OTUD4: variants seen among roughly 807,000 people sequenced by gnomAD.
The protein encoded by OTUD4 is OTU domain-containing protein 4.
In OTUD4, 24 loss-of-function variants were observed where a neutral mutation model predicts 130.4. The observed-to-expected ratio is 0.18, with a 90% CI of 0.13 to 0.26. The LOEUF (loss-of-function observed/expected upper bound fraction) is 0.26. Among genes scored for constraint, OTUD4 ranks in the 10% least tolerant of loss-of-function variants. The probability of loss-of-function intolerance (pLI) is 1.00; values close to 1 mark genes in which losing one functional copy is unlikely to be tolerated. For synonymous variants in OTUD4, 420 were observed against 472.5 expected, an observed-to-expected ratio of 0.89 and a Z score of 1.44; for missense variants, 1,031 against 1,329.4, an observed-to-expected ratio of 0.78 and a Z score of 3.49.
rs1037799404 is a variant in OTUD4 at position 145,159,411 on chromosome 4, T to A, written c.629+92A>T. 12 of 1,585,938 alleles carry A rather than the reference T, an allele frequency of 7.6e-6. No homozygotes were observed. In the South Asian group the frequency reaches 1.4e-4, roughly 18 times the overall value. ...TGAATACCATTAATACCTCAATATATGTTATAGAAAGACATTTACTGAAAT... is the reference window on the plus strand; with the variant it reads ...TGAATACCATTAATACCTCAATATAAGTTATAGAAAGACATTTACTGAAAT... On this transcript the variant is annotated intron_variant, in intron 7 of 20. Coordinates refer to ENST00000447906, the MANE Select transcript of OTUD4 (RefSeq NM_001366057.1).
In OTUD4 at chr4:145,144,438, T is replaced by TAA; in HGVS notation, c.1423-6_1423-5dup. The TAA allele has an allele frequency of 6.2e-7, 1 of 1,607,824 alleles. No individual in the cohort carries two copies. Among genetic ancestry groups the TAA allele is most frequent in the Non-Finnish European group, 8.5e-7 (1 of 1,177,638 alleles). On this transcript the variant is annotated splice_polypyrimidine_tract_variant and splice_region_variant and intron_variant, in intron 14 of 20. Transcript: ENST00000447906. ...CTGACTGATTGACTGATGAGCTCTT[T>TAA]AAAATGAACAAAACCCAACATTTTG...
rs1419642849 is a variant in OTUD4, at chr4:145,141,494, C to G, written c.1968G>C (p.Gln656His). 21 of 1,613,516 alleles carry G rather than the reference C, an allele frequency of 1.3e-5. No individual in the cohort carries two copies. Among genetic ancestry groups the G allele is most frequent in the Non-Finnish European group, 1.8e-5 (21 of 1,179,708 alleles). ...AVNQPLMPLPQTLSLYQDPLY... is the reference protein window; with the variant it reads ...AVNQPLMPLPHTLSLYQDPLY... ...GTGGGTCTTGATAAAGGCTCAATGT[C>G]TGAGGCAAAGGCATCAAGGGCTGGT... Residue 656 changes from glutamine (Q) to histidine (H), a missense_variant, in exon 19 of 21, where the codon CAG (glutamine) becomes CAC (histidine). Gln to His is a conservative substitution (Grantham distance 24, BLOSUM62 0). Around this residue, in one of 3 missense-constraint regions of OTUD4, gnomAD observed 900 missense variants for 1,095.9 expected, o/e 0.82. Transcript: ENST00000447906.
chr4:145,145,232 AGTT>A lies in OTUD4; in HGVS notation c.1423-801_1423-799del, dbSNP rs1750762749. Among the ~76,000 whole-genome samples, 5 of 152,378 alleles carry A rather than the reference AGTT, an allele frequency of 3.3e-5. No individual in the cohort carries two copies. The South Asian group carries it at 1.0e-3, about 32-fold the overall frequency. ...ATGAATACAAGCTTAAACAATTTGT[AGTT>A]GTTATTTATATAATAACACATGACA... On this transcript the variant is annotated intron_variant, in intron 14 of 20. Coordinates refer to ENST00000447906, the MANE Select transcript of OTUD4 (RefSeq NM_001366057.1).
At chr4:145,160,468 C>CT (rs1560990898) in intron 6 of OTUD4, among the ~76,000 whole-genome samples, 1 of 152,194 alleles carries the variant, frequency 6.6e-6, no homozygotes, top group East Asian at 1.9e-4. Flanking sequence ...TTTTAGGACT[C>CT]TGATTTGGTT....
At chr4:145,148,638 TTTAAA>T (rs1750928894) in intron 13 of OTUD4, among the ~76,000 whole-genome samples, 1 of 152,354 alleles carries the variant, frequency 6.6e-6, no homozygotes, top group South Asian at 2.1e-4. Flanking sequence ...AACAAGTTTA[TTTAAA>T]TTAACCATTT....
chr4:145,146,457 A>AATAC (rs763120051), intron 13 of OTUD4, 28 bp from the exon 14 acceptor site: 1 of 1,261,430 alleles, frequency 7.9e-7, no homozygotes, highest in Non-Finnish European at 1.1e-6. Context: ...CTTGTCAGAA[A>AATAC]ATACATAAAT....
rs1750175105 is a variant in OTUD4 at position 145,135,041 on chromosome 4, A to G, written c.*2389T>C. On this transcript the variant is annotated 3_prime_UTR_variant, in exon 21 of 21. Coordinates refer to ENST00000447906, the MANE Select transcript of OTUD4 (RefSeq NM_001366057.1). ...TGCTTATCCTTAGTTTGACCTCAGCATAAGGCAAAATCCCCTGGACTAATA... is the reference window on the plus strand; with the variant it reads ...TGCTTATCCTTAGTTTGACCTCAGCGTAAGGCAAAATCCCCTGGACTAATA... The G allele has an allele frequency of 5.1e-6, 2 of 394,610 alleles. No homozygotes were observed. The highest frequency in any genetic ancestry group is 8.9e-6 in the Non-Finnish European group (2 of 223,836). 24.4% of individuals were successfully genotyped at this position (394,610 alleles called of 1,614,324 possible).
chr4:145,173,215 C>A (rs1046845933), intron 2 of OTUD4, among the ~76,000 whole-genome samples: 5 of 152,080 alleles, frequency 3.3e-5, no homozygotes, highest in African/African-American at 1.2e-4. Flanking sequence ...CATGGTGAAA[C>A]CCCATCTCTA....
chr4:145,178,249 G>A (rs915638353), intron 1 of OTUD4: 1 of 152,166 alleles, frequency 6.6e-6, no homozygotes, highest in Non-Finnish European at 1.5e-5. Context: ...TCTATGGTAT[G>A]CACTACGGAA....
rs1381975312 is a variant in OTUD4, at chr4:145,134,598, G to C, written c.*2832C>G. On this transcript the variant is annotated 3_prime_UTR_variant, in exon 21 of 21. Transcript: ENST00000447906. ...ATTAAATAAGATATATCAGCATTGT[G>C]GTCTGGGAAAACCTATGCTTGCCAG... 4.8e-5 allele frequency: 19 copies of C among 397,666 alleles called. No homozygotes were observed. The Admixed American group carries it at 8.4e-4, about 18-fold the overall frequency. 24.6% of individuals were successfully genotyped at this position (397,666 alleles called of 1,614,324 possible). A position where few individuals can be genotyped will look rare whatever the true frequency, so the allele number is the denominator to read the frequency against.
intron 18 of OTUD4, 44 bp from the exon 19 acceptor site, chr4:145,141,683 A>C (rs768617834): frequency 9.0e-5 from 133 of 1,481,120 alleles, no homozygotes; most frequent in Admixed American, 3.2e-4. Context: ...AAAGATGAAA[A>C]TCTCTACAAA....
At chr4:145,139,847 G>C in intron 20 of OTUD4, 104 bp downstream of exon 20, 1 of 446,072 alleles carries the variant, frequency 2.2e-6, no homozygotes, top group Non-Finnish European at 4.1e-6. Flanking sequence ...ATGAGATTTA[G>C]TAAACTTTAG....
chr4:145,136,547 A>T lies in OTUD4; in HGVS notation c.*883T>A, dbSNP rs1323544500. On this transcript the variant is annotated 3_prime_UTR_variant, in exon 21 of 21. Transcript: ENST00000447906. ...CATTTCTTCTCACAAAATATTTAGA[A>T]TCTGTCAGTGCATTAGTGTTAAAGT... The T allele has an allele frequency of 2.1e-5, 3 of 144,460 alleles. No homozygotes were observed. The highest frequency in any genetic ancestry group is 4.5e-5 in the Non-Finnish European group (3 of 66,932). 8.9% of individuals were successfully genotyped at this position (144,460 alleles called of 1,614,324 possible). A position where few individuals can be genotyped will look rare whatever the true frequency, so the allele number is the denominator to read the frequency against.
chr4:145,163,594 T>C (rs950551743), intron 5 of OTUD4, among the ~76,000 whole-genome samples: 1 of 152,098 alleles, frequency 6.6e-6, no homozygotes, highest in East Asian at 1.9e-4. Context: ...TGTATTAATG[T>C]CTCATAATTC....
At chr4:145,166,020 G>C (rs1242638721) in intron 3 of OTUD4, among the ~76,000 whole-genome samples, 2 of 152,040 alleles carry the variant, frequency 1.3e-5, no homozygotes, top group Admixed American at 6.5e-5. Flanking sequence ...ACTTAGCCGG[G>C]TGTGGTGGCC....
intron 4 of OTUD4, 83 bp from the exon 5 acceptor site, chr4:145,164,309 C>T (rs1057345933): frequency 3.1e-6 from 2 of 651,274 alleles, no homozygotes; most frequent in Non-Finnish European, 5.4e-6. Context: ...CATCAAGGGC[C>T]TAATACGTGC....
intron 15 of OTUD4, 90 bp from the exon 16 acceptor site, chr4:145,144,091 AAGTATT>A: frequency 8.5e-7 from 1 of 1,176,836 alleles, no homozygotes; most frequent in Non-Finnish European, 1.2e-6. Context: ...AAGAAGCCAA[AAGTATT>A]ATTTGAACCA....
At chr4:145,174,879 GA>G (rs1372537581) in intron 1 of OTUD4, 135 bp from the exon 2 acceptor site, 1 of 608,696 alleles carries the variant, frequency 1.6e-6, no homozygotes, top group Non-Finnish European at 3.0e-6. Flanking sequence ...CTATAATTTC[GA>G]TATCTTTACT....
chr4:145,167,152 A>G (rs1751919529), intron 3 of OTUD4, among the ~76,000 whole-genome samples: 1 of 152,204 alleles, frequency 6.6e-6, no homozygotes, highest in Non-Finnish European at 1.5e-5. Flanking sequence ...TACCGTAAGA[A>G]TATTTTCCTA....
Sources: gnomAD v4.1 joint callset for allele counts (sites outside exome capture counted in the v4.1 genomes callset) on GRCh38, gnomAD v4.1.1 for gene constraint, gnomAD v4.1.1 regional missense constraint, MANE v1.5 for transcripts, NCBI Gene and HGNC (gene_info 2026-07-23, HGNC 2026-07-21) for gene names.